The following C8orf74 variants were observed in gnomAD, a reference collection of about 807,000 sequenced individuals.
C8orf74 encodes the protein chromosome 8 open reading frame 74.
In C8orf74, 29 loss-of-function variants were observed where a neutral mutation model predicts 22.2. The ratio of observed to expected loss-of-function variants is 1.31; its 90% CI spans 0.97 to 1.78. C8orf74 has a LOEUF of 1.78. Ranked by LOEUF, C8orf74 falls within the 40% of genes most tolerant of loss-of-function variation. C8orf74 has a pLI of 0.00. For missense variants in C8orf74, 515 were observed against 369.9 expected (o/e 1.39, Z -3.22); for synonymous variants, 255 against 163.1 (o/e 1.56, Z -4.30).
intron 2 of C8orf74, among the ~76,000 whole-genome samples, chr8:10,682,264 G>A (rs947830916): frequency 1.3e-5 from 2 of 152,330 alleles, no homozygotes; most frequent in East Asian, 1.9e-4. Flanking sequence ...AGCGGCCCTA[G>A]ATTAAGATCT....
At position 10,700,404 on chromosome 8, in the gene C8orf74, CA is replaced by C. The variant is rs760727378; in HGVS notation, c.819del (p.Gly274AlafsTer6). On this transcript the variant is annotated frameshift_variant, in exon 4 of 4. Coordinates refer to ENST00000304519, the MANE Select transcript of C8orf74 (RefSeq NM_001040032.2). LOFTEE classifies it low-confidence loss of function (END_TRUNC). ...ATCCCGCCCCCCATCACCAGCCACGCAGGCCAGGAGGAAGCCCTGAAGCCCC... is the reference window on the plus strand; with the variant it reads ...ATCCCGCCCCCCATCACCAGCCACGCGGCCAGGAGGAAGCCCTGAAGCCCC... Reference protein sequence around the residue: ...TPIPPPITSHAGQEEALKPQR... With the variant: ...TPIPPPITSHXGQEEALKPQR... 1.2e-6 allele frequency: 2 copies of C among 1,612,470 alleles called. No homozygotes were observed. Among genetic ancestry groups the C allele is most frequent in the South Asian group, 2.2e-5 (2 of 90,884 alleles).
At chr8:10,695,562 C>T (rs1799473232) in intron 2 of C8orf74, among the ~76,000 whole-genome samples, 2 of 152,186 alleles carry the variant, frequency 1.3e-5, no homozygotes, top group African/African-American at 4.8e-5. Flanking sequence ...GATGTCTCCA[C>T]CCCCTGGGTA....
At chr8:10,680,877 G>T (rs1020982518) in intron 2 of C8orf74, among the ~76,000 whole-genome samples, 3 of 152,152 alleles carry the variant, frequency 2.0e-5, no homozygotes, top group African/African-American at 7.2e-5. Flanking sequence ...TCCTGGCATT[G>T]TCCCCATTTC....
At chr8:10,679,313 A>G (rs1049795689) in intron 2 of C8orf74, among the ~76,000 whole-genome samples, 7 of 152,038 alleles carry the variant, frequency 4.6e-5, no homozygotes, top group Admixed American at 4.6e-4. Flanking sequence ...TCCACTGTCC[A>G]CCTGGAACTT....
chr8:10,688,180 G>C (rs1333753336), intron 2 of C8orf74: 1 of 150,514 alleles, frequency 6.6e-6, no homozygotes, highest in African/African-American at 2.5e-5. Flanking sequence ...ACTCCAGCCT[G>C]GGCAACAGAG....
At chr8:10,680,299 C>T (rs1457492489) in intron 2 of C8orf74, among the ~76,000 whole-genome samples, 3 of 152,196 alleles carry the variant, frequency 2.0e-5, no homozygotes, top group African/African-American at 2.4e-5. Flanking sequence ...TCTGTGCCTC[C>T]GTTTCCACCT....
intron 2 of C8orf74, 72 bp downstream of exon 2, chr8:10,674,910 C>G (rs1288287934): frequency 1.5e-6 from 2 of 1,308,364 alleles, no homozygotes; most frequent in African/African-American, 1.5e-5. Flanking sequence ...ACTCCCCTGC[C>G]GTCCACAGCC....
intron 2 of C8orf74, chr8:10,687,037 G>C (rs943438717): frequency 4.0e-5 from 18 of 453,884 alleles, no homozygotes; most frequent in Middle Eastern, 3.3e-4. Context: ...CCAGTCTCCA[G>C]GGTTATAGTC....
chr8:10,685,054 AAACGGTGC>A (rs1358363843), intron 2 of C8orf74, among the ~76,000 whole-genome samples: 3 of 152,248 alleles, frequency 2.0e-5, no homozygotes, highest in African/African-American at 4.8e-5. Context: ...ATGCCACTCA[AAACGGTGC>A]AACATCTAAA....
In C8orf74 at chr8:10,674,643, C is replaced by A. The variant is rs893520673; in HGVS notation, c.49-3C>A. ...CCTGCAGTTCCCATGTCATTCCCTG[C>A]AGAGACCACAAGGTCGGGAGCGCCT... On this transcript the variant is annotated splice_region_variant and splice_polypyrimidine_tract_variant and intron_variant, in intron 1 of 3. Coordinates refer to ENST00000304519, the MANE Select transcript of C8orf74 (RefSeq NM_001040032.2). 13 of 1,604,280 alleles carry A rather than the reference C, an allele frequency of 8.1e-6. No individual in the cohort carries two copies. The highest frequency in any genetic ancestry group is 1.7e-5 in the Admixed American group (1 of 58,940).
intron 1 of C8orf74, 39 bp downstream of exon 1, chr8:10,672,752 G>A (rs1326247225): frequency 6.5e-7 from 1 of 1,536,546 alleles, no homozygotes; most frequent in Admixed American, 2.0e-5. Context: ...ACAGAAACTG[G>A]CTCATCCTGG....
Position 10,697,728 on chromosome 8 carries a change from TCTAC to T in C8orf74, c.373_376del (p.Tyr125SerfsTer12), listed in dbSNP as rs1213276877. The T allele has an allele frequency of 6.2e-7, 1 of 1,613,924 alleles. No individual in the cohort carries two copies. The highest frequency in any genetic ancestry group is 8.5e-7 in the Non-Finnish European group (1 of 1,179,876). On this transcript the variant is annotated frameshift_variant, in exon 3 of 4. Coordinates refer to ENST00000304519, the MANE Select transcript of C8orf74 (RefSeq NM_001040032.2). LOFTEE classifies it high-confidence loss of function. ...CACACCTTCATCCGCCACTACAAAC[TCTAC>T]CAGTATGTCCTGGGCCAGGACCAGC...
chr8:10,693,381 C>T (rs1002523585), intron 2 of C8orf74, among the ~76,000 whole-genome samples: 3 of 152,230 alleles, frequency 2.0e-5, no homozygotes, highest in African/African-American at 7.2e-5. Flanking sequence ...CCCACACAGC[C>T]TTGTGCAGAG....
At chr8:10,696,111 G>C (rs1286023883) in intron 2 of C8orf74, among the ~76,000 whole-genome samples, 1 of 152,016 alleles carries the variant, frequency 6.6e-6, no homozygotes, top group Non-Finnish European at 1.5e-5. Context: ...ACCAGGGTAG[G>C]CATGTAATTC....
At chr8:10,675,843 T>C (rs748355581) in intron 2 of C8orf74, 9 of 152,204 alleles carry the variant, frequency 5.9e-5, no homozygotes, top group Non-Finnish European at 1.2e-4. Context: ...CAGCAAAGAC[T>C]GATAAACCTT....
intron 2 of C8orf74, among the ~76,000 whole-genome samples, chr8:10,678,027 T>G (rs1417827661): frequency 3.9e-5 from 6 of 152,194 alleles, no homozygotes; most frequent in Non-Finnish European, 8.8e-5. Flanking sequence ...CCTTACGAGT[T>G]CCTCCTCTCA....
At chr8:10,694,104 G>A (rs1318128805) in intron 2 of C8orf74, among the ~76,000 whole-genome samples, 3 of 152,082 alleles carry the variant, frequency 2.0e-5, no homozygotes, top group South Asian at 2.1e-4. Flanking sequence ...AAGAGGACCC[G>A]GTCCTGAAGC....
intron 2 of C8orf74, among the ~76,000 whole-genome samples, chr8:10,677,447 A>C (rs1458813991): frequency 6.6e-6 from 1 of 152,232 alleles, no homozygotes; most frequent in East Asian, 1.9e-4. Flanking sequence ...ATTTATCTAG[A>C]GCTTCCATAA....
At chr8:10,690,274 C>T (rs1391924911) in intron 2 of C8orf74, among the ~76,000 whole-genome samples, 1 of 152,034 alleles carries the variant, frequency 6.6e-6, no homozygotes, top group Non-Finnish European at 1.5e-5. Context: ...GCTGGGAGAC[C>T]GAGTGACCCA....
Sources: gnomAD v4.1 joint callset for allele counts (sites outside exome capture counted in the v4.1 genomes callset) on GRCh38, gnomAD v4.1.1 for gene constraint, MANE v1.5 for transcripts, NCBI Gene and HGNC (gene_info 2026-07-23, HGNC 2026-07-21) for gene names.